Variants in COQ3 observed in about 807,000 individuals in gnomAD.
COQ3 encodes the protein ubiquinone biosynthesis O-methyltransferase, mitochondrial.
In COQ3, 29 loss-of-function variants were observed where a neutral mutation model predicts 33.1. The ratio of observed to expected loss-of-function variants is 0.88; its 90% confidence interval spans 0.65 to 1.19. COQ3 has a LOEUF of 1.19. Among genes scored for constraint, COQ3 ranks in the 50% most tolerant of loss-of-function variants. COQ3 has a pLI of 0.00. For synonymous variants in COQ3, 173 were observed against 157.8 expected, an observed-to-expected ratio of 1.10 and a Z score of -0.72; for missense variants, 437 against 430.7, an observed-to-expected ratio of 1.01 and a Z score of -0.13.
chr6:99,381,168 C>A (rs938955222), intron 2 of COQ3, among the ~76,000 whole-genome samples: 1 of 152,106 alleles, frequency 6.6e-6, no homozygotes, highest in African/African-American at 2.4e-5. Flanking sequence ...ACGCAAGCAC[C>A]CATCATCTCT....
chr6:99,389,498 CA>C (rs1774764049), intron 1 of COQ3, among the ~76,000 whole-genome samples: 1 of 152,098 alleles, frequency 6.6e-6, no homozygotes, highest in Non-Finnish European at 1.5e-5. Context: ...TCAAAAAGTA[CA>C]AAAGGGTACA....
intron 5 of COQ3, among the ~76,000 whole-genome samples, chr6:99,373,208 C>T (rs373123491): frequency 2.0e-5 from 3 of 152,016 alleles, no homozygotes; most frequent in Admixed American, 6.6e-5. Context: ...GAGGATTGCT[C>T]GAGACCAGGA....
chr6:99,377,591 A>C, intron 3 of COQ3, 106 bp from the exon 4 acceptor site: 1 of 601,598 alleles, frequency 1.7e-6, no homozygotes, highest in Non-Finnish European at 2.7e-6. Flanking sequence ...ATTTAAATAA[A>C]TTATTCATTT....
intron 2 of COQ3, among the ~76,000 whole-genome samples, chr6:99,383,311 T>C (rs1352857482): frequency 1.3e-5 from 2 of 152,232 alleles, no homozygotes; most frequent in Non-Finnish European, 2.9e-5. Flanking sequence ...TTCTAAAAAT[T>C]TTAAAATATT....
At position 99,394,062 on chromosome 6, in the gene COQ3, A is replaced by C. The variant is rs202105188; in HGVS notation, c.106+12T>G. On this transcript the variant is annotated intron_variant, in intron 1 of 6. Coordinates refer to ENST00000254759, the MANE Select transcript of COQ3 (RefSeq NM_017421.4). ...TTGACTGCATGCGAAGGACCTCCGC[A>C]CACACACTCACCCGCCGAGGAAATT... 87 of 1,605,798 alleles carry C rather than the reference A, an allele frequency of 5.4e-5. No individual in the cohort carries two copies. The highest frequency in any genetic ancestry group is 7.2e-5 in the Non-Finnish European group (84 of 1,172,686).
At chr6:99,388,506 C>CTTT (rs11375800) in intron 1 of COQ3, among the ~76,000 whole-genome samples, 7 of 149,586 alleles carry the variant, frequency 4.7e-5, no homozygotes, top group African/African-American at 7.4e-5. Context: ...TCTCAATAGC[C>CTTT]TTTTTTTTTT....
intron 1 of COQ3, among the ~76,000 whole-genome samples, chr6:99,391,075 TTTTATTTA>T (rs60755408): frequency 0.015 from 2,076 of 139,226 alleles, 52 homozygotes; most frequent in African/African-American, 0.049. Context: ...CTTTTGCTCA[TTTTATTTA>T]TTTATTTATT....
At chr6:99,383,900 C>T in intron 1 of COQ3, 76 bp from the exon 2 acceptor site, 1 of 1,152,590 alleles carries the variant, frequency 8.7e-7, no homozygotes, top group Non-Finnish European at 1.2e-6. Context: ...ATTGAAGATT[C>T]TATTTTATTT....
chr6:99,380,238 C>G lies in COQ3; in HGVS notation c.337G>C (p.Val113Leu). Reference sequence around the variant, plus strand: ...TTCATGGAATGAAGAGGTGCATATACTCCTTGTTCATCCCACCATTTGTGA... The same window carrying G: ...TTCATGGAATGAAGAGGTGCATATAGTCCTTGTTCATCCCACCATTTGTGA... Reference protein sequence around the residue: ...LAHKWWDEQGVYAPLHSMNDL... With the variant: ...LAHKWWDEQGLYAPLHSMNDL... The change falls in exon 3 of 7, where the codon GTA (valine) becomes CTA (leucine). Residue 113 changes from valine to leucine, a missense_variant. Val to Leu is a conservative substitution (Grantham distance 32). Transcript: ENST00000254759. 1.9e-6 allele frequency: 3 copies of G among 1,614,058 alleles called. No individual in the cohort carries two copies. Among genetic ancestry groups the G allele is most frequent in the South Asian group, 1.1e-5 (1 of 91,076 alleles).
chr6:99,378,041 C>G (rs1339238067), intron 3 of COQ3, among the ~76,000 whole-genome samples: 1 of 143,498 alleles, frequency 7.0e-6, no homozygotes, highest in African/African-American at 2.5e-5. Context: ...TTTACCTATA[C>G]AAACATATGT....
intron 5 of COQ3, among the ~76,000 whole-genome samples, chr6:99,375,401 T>C (rs1774255545): frequency 6.6e-6 from 1 of 151,480 alleles, no homozygotes; most frequent in Non-Finnish European, 1.5e-5. Context: ...TTTTTTTTTT[T>C]GAGACAGGGT....
chr6:99,389,492 A>G (rs900513999), intron 1 of COQ3, among the ~76,000 whole-genome samples: 5 of 152,206 alleles, frequency 3.3e-5, no homozygotes, highest in African/African-American at 1.2e-4. Flanking sequence ...AAAAAATCAA[A>G]AAGTACAAAA....
At chr6:99,373,422 T>G (rs1774195335) in intron 5 of COQ3, among the ~76,000 whole-genome samples, 1 of 147,962 alleles carries the variant, frequency 6.8e-6, no homozygotes, top group South Asian at 2.1e-4. Flanking sequence ...CAGAGGAAGA[T>G]CCTGTCTCTG....
At chr6:99,374,418 C>G (rs1774230226) in intron 5 of COQ3, among the ~76,000 whole-genome samples, 1 of 152,118 alleles carries the variant, frequency 6.6e-6, no homozygotes, top group Non-Finnish European at 1.5e-5. Flanking sequence ...AGATGTTAAC[C>G]TAAGGGGAAG....
At chr6:99,380,468 A>G in intron 2 of COQ3, 127 bp from the exon 3 acceptor site, 2 of 984,468 alleles carry the variant, frequency 2.0e-6, no homozygotes, top group African/African-American at 1.6e-5. Context: ...ACTGCTCAAT[A>G]TTGATGCTTT....
At chr6:99,379,832 G>C (rs1774415830) in intron 3 of COQ3, among the ~76,000 whole-genome samples, 2 of 151,352 alleles carry the variant, frequency 1.3e-5, no homozygotes, top group African/African-American at 4.9e-5. Context: ...TCCCCTCTGG[G>C]TGACAAGAGC....
rs200984723 is a variant in COQ3, at chr6:99,369,836, AT to A, written c.890-17del. 9.0e-6 allele frequency: 13 copies of A among 1,442,630 alleles called. No homozygotes were observed. In the East Asian group the frequency reaches 2.5e-4, roughly 28 times the overall value. The allele number at this position is 1,442,630 out of a possible 1,614,324, so 89.4% of individuals were successfully genotyped here. ...GACAGACCATCTGAAAAAAAAAAAAATCAGAAAGAGTAGATTTAATAAATAT... is the reference window on the plus strand; with the variant it reads ...GACAGACCATCTGAAAAAAAAAAAAACAGAAAGAGTAGATTTAATAAATAT... On this transcript the variant is annotated splice_polypyrimidine_tract_variant and intron_variant, in intron 6 of 6. Coordinates refer to ENST00000254759, the MANE Select transcript of COQ3 (RefSeq NM_017421.4).
Position 99,369,823 on chromosome 6 carries a change from G to GAAA in COQ3, c.890-6_890-4dup. 2.1e-5 allele frequency: 24 copies of GAAA among 1,169,744 alleles called. No individual in the cohort carries two copies. Among genetic ancestry groups the GAAA allele is most frequent in the Admixed American group, 5.4e-5 (2 of 37,140 alleles). 72.5% of individuals were successfully genotyped at this position (1,169,744 alleles called of 1,614,324 possible). A position where few individuals can be genotyped will look rare whatever the true frequency, so the allele number is the denominator to read the frequency against. ...CACTGTTTGAACTGACAGACCATCTGAAAAAAAAAAAAATCAGAAAGAGTA... is the reference window on the plus strand; with the variant it reads ...CACTGTTTGAACTGACAGACCATCTGAAAAAAAAAAAAAAAATCAGAAAGAGTA... On this transcript the variant is annotated splice_polypyrimidine_tract_variant and splice_region_variant and intron_variant, in intron 6 of 6. Transcript: ENST00000254759.
chr6:99,371,083 A>G (rs1424071642), intron 6 of COQ3, among the ~76,000 whole-genome samples: 1 of 152,228 alleles, frequency 6.6e-6, no homozygotes, highest in Non-Finnish European at 1.5e-5. Context: ...AATATGTAAG[A>G]TAAGCTGATA....
Sources: gnomAD v4.1 joint callset for allele counts (sites outside exome capture counted in the v4.1 genomes callset) on GRCh38, gnomAD v4.1.1 for gene constraint, MANE v1.5 for transcripts, NCBI Gene and HGNC (gene_info 2026-07-23, HGNC 2026-07-21) for gene names.